Variants in ZBTB16 observed in about 807,000 individuals in gnomAD.
ZBTB16 encodes zinc finger and BTB domain containing 16.
ZBTB16 carries 8 observed loss-of-function variants against 56.8 expected under a neutral mutation model. That is an observed-to-expected ratio of 0.14 (90% CI 0.08 to 0.25). The LOEUF (loss-of-function observed/expected upper bound fraction) is 0.25. Among genes scored for constraint, ZBTB16 ranks in the 10% least tolerant of loss-of-function variants. ZBTB16 has a pLI of 1.00. For missense variants in ZBTB16, 625 were observed against 903.0 expected, an observed-to-expected ratio of 0.69 and a Z score of 3.95; for synonymous variants, 363 against 368.5, an observed-to-expected ratio of 0.98 and a Z score of 0.17.
At chr11:114,084,263 C>T (rs1238456652) in intron 2 of ZBTB16, among the ~76,000 whole-genome samples, 11 of 152,090 alleles carry the variant, frequency 7.2e-5, no homozygotes, top group Non-Finnish European at 1.5e-4. Flanking sequence ...TCCAGGCTTA[C>T]ACATTGCTCC....
At chr11:114,112,579 A>G (rs1941046629) in intron 2 of ZBTB16, among the ~76,000 whole-genome samples, 1 of 152,112 alleles carries the variant, frequency 6.6e-6, no homozygotes, top group Non-Finnish European at 1.5e-5. Flanking sequence ...TCTAAGGGAA[A>G]TATTGTCCTT....
intron 4 of ZBTB16, among the ~76,000 whole-genome samples, chr11:114,194,103 T>C (rs629922): frequency 0.36 from 54,324 of 151,962 alleles, 9,875 homozygotes; most frequent in African/African-American, 0.43. Context: ...AACCCTGTGC[T>C]CCATTGCACT....
chr11:114,126,512 A>G (rs1941511811), intron 2 of ZBTB16, among the ~76,000 whole-genome samples: 1 of 152,192 alleles, frequency 6.6e-6, no homozygotes, highest in African/African-American at 2.4e-5. Context: ...AGTCTAAAAC[A>G]GAGAAGGTAG....
At chr11:114,181,358 C>T (rs755938976) in intron 3 of ZBTB16, among the ~76,000 whole-genome samples, 1 of 152,230 alleles carries the variant, frequency 6.6e-6, no homozygotes, top group Non-Finnish European at 1.5e-5. Flanking sequence ...GCAACAGGCT[C>T]CCTGAGACTG....
intron 3 of ZBTB16, among the ~76,000 whole-genome samples, chr11:114,185,924 T>G (rs1943349757): frequency 6.6e-6 from 1 of 152,256 alleles, no homozygotes. Context: ...TGAATTAATT[T>G]TATTTATTCC....
intron 2 of ZBTB16, among the ~76,000 whole-genome samples, chr11:114,089,964 G>A (rs1413293796): frequency 6.6e-6 from 1 of 152,226 alleles, no homozygotes; most frequent in Non-Finnish European, 1.5e-5. Context: ...GGAAGCTGCT[G>A]ATTCTGGGTC....
chr11:114,078,092 C>G (rs1939632922), intron 2 of ZBTB16, among the ~76,000 whole-genome samples: 1 of 152,116 alleles, frequency 6.6e-6, no homozygotes, highest in African/African-American at 2.4e-5. Flanking sequence ...TGTGAAAGAG[C>G]CTGATGAAAG....
At position 114,144,795 on chromosome 11, in the gene ZBTB16, G is replaced by A. The variant is rs540308153; in HGVS notation, c.1269-11542G>A. On this transcript the variant is annotated intron_variant, in intron 2 of 6. Transcript: ENST00000335953. ...GCTGTCAAATCATGTTTCCCTCACT[G>A]TTGACCAAATCAAAGCTGGCTTCAG... Among the ~76,000 whole-genome samples the A allele has an allele frequency of 3.9e-5, 6 of 152,332 alleles. No homozygotes were observed. The South Asian group carries it at 1.2e-3, about 32-fold the overall frequency.
chr11:114,146,273 C>T (rs558019588), intron 2 of ZBTB16, among the ~76,000 whole-genome samples: 3 of 152,126 alleles, frequency 2.0e-5, no homozygotes, highest in African/African-American at 7.2e-5. Flanking sequence ...GAGAAAATCC[C>T]AGGAATGCTC....
intron 3 of ZBTB16, 80 bp from the exon 4 acceptor site, chr11:114,186,872 C>T: frequency 1.4e-6 from 2 of 1,383,822 alleles, no homozygotes; most frequent in Admixed American, 1.7e-5. Context: ...CTAGTGTCTA[C>T]CTGCACAGTT....
chr11:114,222,672 A>G (rs944777835), intron 4 of ZBTB16, among the ~76,000 whole-genome samples: 9 of 152,122 alleles, frequency 5.9e-5, no homozygotes, highest in African/African-American at 1.9e-4. Context: ...TCACCTCTTA[A>G]AAGAAGCCCC....
At chr11:114,074,819 C>A (rs371165044) in intron 2 of ZBTB16, among the ~76,000 whole-genome samples, 16 of 152,362 alleles carry the variant, frequency 1.1e-4, no homozygotes, top group African/African-American at 3.8e-4. Flanking sequence ...ATAACCTGTG[C>A]GGGCCGGGGA....
At chr11:114,164,081 G>A (rs966870208) in intron 3 of ZBTB16, among the ~76,000 whole-genome samples, 5 of 152,194 alleles carry the variant, frequency 3.3e-5, no homozygotes, top group Non-Finnish European at 7.3e-5. Context: ...GATTGCGGCA[G>A]TGTCTGGAGG....
At position 114,156,355 on chromosome 11, in the gene ZBTB16, G is replaced by T. The variant is rs750447749; in HGVS notation, c.1287G>T (p.Met429Ile). The T allele has an allele frequency of 6.2e-7, 1 of 1,614,246 alleles. No homozygotes were observed. Among genetic ancestry groups the T allele is most frequent in the East Asian group, 2.2e-5 (1 of 44,884 alleles). Reference sequence around the variant, plus strand: ...CTTACAGGAAGCTGCACAGTGGGATGAAGACGTACGGGTGCGAGCTCTGCG... The same window carrying T: ...CTTACAGGAAGCTGCACAGTGGGATTAAGACGTACGGGTGCGAGCTCTGCG... ...VEQHRKLHSGMKTYGCELCGK... is the reference protein window; with the variant it reads ...VEQHRKLHSGIKTYGCELCGK... The change falls in exon 3 of 7, where the codon ATG becomes ATT. Residue 429 changes from methionine (M) to isoleucine (I), a missense_variant. Coordinates refer to ENST00000335953, the MANE Select transcript of ZBTB16 (RefSeq NM_006006.6).
In ZBTB16 at chr11:114,253,850, G is replaced by A. The variant is rs73564884; in HGVS notation, c.*3295G>A. ...GAGTTAAGGGGAGAGGAGGAGGGTA[G>A]ACAGGGGTCTCTCCCCAGGTGGGAT... On this transcript the variant is annotated 3_prime_UTR_variant, in exon 7 of 7. Coordinates refer to ENST00000335953, the MANE Select transcript of ZBTB16 (RefSeq NM_006006.6). 4.7e-3 allele frequency among the ~76,000 whole-genome samples: 721 copies of A among 152,304 alleles called. 7 individuals are homozygous for A. Among genetic ancestry groups the A allele is most frequent in the African/African-American group, 0.017 (688 of 41,552 alleles).
intron 4 of ZBTB16, among the ~76,000 whole-genome samples, chr11:114,194,730 G>A (rs575707393): frequency 2.0e-5 from 3 of 152,196 alleles, no homozygotes; most frequent in South Asian, 2.1e-4. Flanking sequence ...ACACACATAC[G>A]TGCACGTGCA....
intron 2 of ZBTB16, among the ~76,000 whole-genome samples, chr11:114,124,570 A>AAAAAAAAAAAC (rs1565638154): frequency 1.4e-5 from 2 of 146,576 alleles, no homozygotes; most frequent in African/African-American, 2.5e-5. Context: ...AAAAAAAAAA[A>AAAAAAAAAAAC]AACAAAAACA....
At chr11:114,071,326 T>A (rs1375465750) in intron 2 of ZBTB16, among the ~76,000 whole-genome samples, 1 of 152,032 alleles carries the variant, frequency 6.6e-6, no homozygotes, top group Non-Finnish European at 1.5e-5. Context: ...TTGGAACTTT[T>A]GAAGATGATT....
At chr11:114,170,967 G>A (rs1942949198) in intron 3 of ZBTB16, among the ~76,000 whole-genome samples, 1 of 152,184 alleles carries the variant, frequency 6.6e-6, no homozygotes, top group Non-Finnish European at 1.5e-5. Flanking sequence ...GGATCTCCCA[G>A]TGCCTTCATT....
Sources: allele counts gnomAD v4.1 joint callset (sites outside exome capture counted in the v4.1 genomes callset), GRCh38; gene constraint gnomAD v4.1.1; transcripts MANE v1.5; gene names NCBI Gene and HGNC (gene_info 2026-07-23, HGNC 2026-07-21).